The following RGS6 variants were observed in gnomAD, a reference collection of about 807,000 sequenced individuals.
RGS6 encodes regulator of G-protein signaling 6.
In RGS6, 30 loss-of-function variants were observed where a neutral mutation model predicts 78.5. The ratio of observed to expected loss-of-function variants is 0.38; its 90% CI spans 0.29 to 0.52. The LOEUF is 0.52. Ranked by LOEUF, RGS6 falls within the 20% of genes least tolerant of loss-of-function variation. RGS6 has a pLI of 0.85. For missense variants in RGS6, 495 were observed against 609.7 expected, an observed-to-expected ratio of 0.81 and a Z score of 1.98; for synonymous variants, 206 against 206.0, an observed-to-expected ratio of 1.00 and a Z score of 0.00.
At chr14:72,613,048 G>A in the RGS6 span, among the ~76,000 whole-genome samples, 4 of 152,052 alleles carry the variant, frequency 2.6e-5, no homozygotes, top group African/African-American at 7.2e-5. Context: ...GTGCGTGCAC[G>A]CACGCGCATG....
At chr14:71,966,957 C>T (rs1240506929) in intron 2 of RGS6, among the ~76,000 whole-genome samples, 2 of 151,530 alleles carry the variant, frequency 1.3e-5, no homozygotes, top group Non-Finnish European at 2.9e-5. Context: ...ATAAGAAATG[C>T]AAAGGTCATG....
chr14:71,872,030 G>C, the RGS6 span, among the ~76,000 whole-genome samples: 2 of 152,114 alleles, frequency 1.3e-5, no homozygotes, highest in East Asian at 3.9e-4. Context: ...AAGGAGCCAG[G>C]TAGGCTTCCC....
intron 2 of RGS6, among the ~76,000 whole-genome samples, chr14:72,238,431 A>G (rs1034385216): frequency 3.9e-5 from 6 of 152,088 alleles, no homozygotes; most frequent in African/African-American, 1.4e-4. Context: ...CTGTATCGCT[A>G]TGTCAGTGCC....
At chr14:72,350,997 C>A (rs1276612162) in intron 2 of RGS6, among the ~76,000 whole-genome samples, 1 of 152,098 alleles carries the variant, frequency 6.6e-6, no homozygotes, top group African/African-American at 2.4e-5. Flanking sequence ...CTATTTCTAT[C>A]AAACAAGTTA....
chr14:72,115,394 A>G (rs761895361), intron 2 of RGS6, among the ~76,000 whole-genome samples: 1 of 152,190 alleles, frequency 6.6e-6, no homozygotes, highest in Non-Finnish European at 1.5e-5. Flanking sequence ...ATTAGAACCC[A>G]TGGGGATAAG....
intron 17 of RGS6, among the ~76,000 whole-genome samples, chr14:72,556,270 G>A (rs2097573581): frequency 6.6e-6 from 1 of 152,124 alleles, no homozygotes; most frequent in African/African-American, 2.4e-5. Flanking sequence ...TGGTGGAAAG[G>A]GAAGCAGTCT....
chr14:72,244,732 C>T (rs538316452), intron 2 of RGS6, among the ~76,000 whole-genome samples: 5 of 152,180 alleles, frequency 3.3e-5, no homozygotes, highest in East Asian at 1.9e-4. Flanking sequence ...TTGATGGGGA[C>T]GAAGCTAAGA....
intron 17 of RGS6, chr14:72,550,351 C>A: frequency 2.3e-6 from 2 of 880,580 alleles, no homozygotes; most frequent in Non-Finnish European, 1.8e-6. Context: ...AGGCAGAGGG[C>A]ACCTGTACTT....
chr14:72,289,060 A>G (rs1278117876), intron 2 of RGS6, among the ~76,000 whole-genome samples: 1 of 152,202 alleles, frequency 6.6e-6, no homozygotes, highest in Non-Finnish European at 1.5e-5. Context: ...CAACATGTCT[A>G]CAATAAACTA....
Position 71,981,829 on chromosome 14 carries a change from C to G in RGS6, c.84+16954C>G, listed in dbSNP as rs11850970. On this transcript the variant is annotated intron_variant, in intron 2 of 17. Coordinates refer to ENST00000553525, the MANE Select transcript of RGS6 (RefSeq NM_001204424.2). ...TGGGCTCCACCCAGTTCGAGCTTCC[C>G]GGCTGCTTTGTTTACCTAAGCAAGC... 8.1e-3 allele frequency among the ~76,000 whole-genome samples: 1,198 copies of G among 148,598 alleles called. 16 individuals carry two copies. Among genetic ancestry groups the G allele is most frequent in the African/African-American group, 0.028 (1,133 of 40,438 alleles).
intron 11 of RGS6, among the ~76,000 whole-genome samples, chr14:72,477,843 C>G (rs995646226): frequency 1.3e-5 from 2 of 151,516 alleles, no homozygotes; most frequent in Non-Finnish European, 2.9e-5. Context: ...AGAAAAAAAG[C>G]TATTTGATGA....
At chr14:72,224,366 A>C (rs2047593495) in intron 2 of RGS6, among the ~76,000 whole-genome samples, 1 of 152,078 alleles carries the variant, frequency 6.6e-6, no homozygotes. Context: ...TCTCGTGGGC[A>C]AGATGGTGCT....
intron 2 of RGS6, among the ~76,000 whole-genome samples, chr14:72,010,181 C>T (rs929710309): frequency 6.6e-6 from 1 of 152,144 alleles, no homozygotes; most frequent in African/African-American, 2.4e-5. Context: ...GAAATAAAAA[C>T]TTCTTCCTGC....
chr14:71,931,830 T>A (rs36324), upstream of RGS6, among the ~76,000 whole-genome samples: 9,202 of 152,258 alleles, frequency 0.06, 382 homozygotes, highest in Non-Finnish European at 0.091. Context: ...TATCTGAGAG[T>A]TACTTTTCTC....
At chr14:71,911,498 G>A in the RGS6 span, among the ~76,000 whole-genome samples, 1 of 152,182 alleles carries the variant, frequency 6.6e-6, no homozygotes, top group African/African-American at 2.4e-5. Context: ...TCATCCTTGC[G>A]TGAACAGGGT....
intron 2 of RGS6, among the ~76,000 whole-genome samples, chr14:72,226,437 G>A (rs2048138804): frequency 6.6e-6 from 1 of 152,158 alleles, no homozygotes; most frequent in African/African-American, 2.4e-5. Flanking sequence ...ATAACTGGAC[G>A]TGTCTATATG....
At chr14:72,246,029 C>T (rs1188488575) in intron 2 of RGS6, among the ~76,000 whole-genome samples, 1 of 152,208 alleles carries the variant, frequency 6.6e-6, no homozygotes. Flanking sequence ...CAAATTCCTT[C>T]AACCTAAAAT....
intron 2 of RGS6, among the ~76,000 whole-genome samples, chr14:72,128,436 C>A (rs533167582): frequency 6.6e-6 from 1 of 152,242 alleles, no homozygotes; most frequent in East Asian, 1.9e-4. Context: ...CTGTTCTCAA[C>A]CTGAATGACT....
intron 3 of RGS6, among the ~76,000 whole-genome samples, chr14:72,451,369 A>G (rs2095488884): frequency 6.6e-6 from 1 of 152,148 alleles, no homozygotes; most frequent in African/African-American, 2.4e-5. Context: ...CTTAAATGTG[A>G]TTCTTTAGCT....
Sources: allele counts gnomAD v4.1 joint callset (sites outside exome capture counted in the v4.1 genomes callset), GRCh38; gene constraint gnomAD v4.1.1; transcripts MANE v1.5; gene names NCBI Gene and HGNC (gene_info 2026-07-23, HGNC 2026-07-21).